Variants in TGFB2 observed in about 807,000 individuals in gnomAD.
TGFB2 encodes transforming growth factor beta 2.
TGFB2 carries 13 observed loss-of-function variants against 42.7 expected under a neutral mutation model. The observed-to-expected ratio is 0.30, with a 90% CI of 0.20 to 0.48. The LOEUF is 0.48. Among genes scored for constraint, TGFB2 ranks in the 20% least tolerant of loss-of-function variants. The pLI, the probability that TGFB2 is intolerant of heterozygous loss-of-function variation, is 0.99. For synonymous variants in TGFB2, 193 were observed against 193.6 expected (o/e 1.00, Z 0.03); for missense variants, 390 against 517.5 (o/e 0.75, Z 2.39).
chr1:218,374,236 A>T (rs1163349682), intron 1 of TGFB2, among the ~76,000 whole-genome samples: 2 of 152,218 alleles, frequency 1.3e-5, no homozygotes, highest in Non-Finnish European at 2.9e-5. Flanking sequence ...CTGTTAAAAG[A>T]TTAGAATAGT....
At chr1:218,384,498 T>C (rs1247144811) in intron 1 of TGFB2, among the ~76,000 whole-genome samples, 1 of 152,238 alleles carries the variant, frequency 6.6e-6, no homozygotes, top group East Asian at 1.9e-4. Flanking sequence ...ATTAGCTGTG[T>C]GACCTTAGAT....
At chr1:218,422,988 T>C (rs1233895678) in intron 2 of TGFB2, among the ~76,000 whole-genome samples, 1 of 152,156 alleles carries the variant, frequency 6.6e-6, no homozygotes, top group African/African-American at 2.4e-5. Context: ...TATTATTAGT[T>C]ATTATTATTA....
chr1:218,395,090 T>C (rs962869484), intron 1 of TGFB2, among the ~76,000 whole-genome samples: 1 of 152,114 alleles, frequency 6.6e-6, no homozygotes, highest in Non-Finnish European at 1.5e-5. Context: ...AGTGCAGTCA[T>C]TTCTGGAAAG....
At chr1:218,414,246 CA>C (rs1659198737) in intron 2 of TGFB2, among the ~76,000 whole-genome samples, 1 of 151,906 alleles carries the variant, frequency 6.6e-6, no homozygotes, top group Non-Finnish European at 1.5e-5. Flanking sequence ...CACACACACA[CA>C]CACACACGCA....
chr1:218,388,230 T>G (rs139794930), intron 1 of TGFB2, among the ~76,000 whole-genome samples: 224 of 152,252 alleles, frequency 1.5e-3, no homozygotes, highest in Admixed American at 2.8e-3. Flanking sequence ...TCAACTGGAG[T>G]TTTTAAAACT....
intron 2 of TGFB2, chr1:218,405,568 C>T (rs1019526633): frequency 6.9e-5 from 40 of 581,250 alleles, no homozygotes; most frequent in African/African-American, 6.5e-4. Flanking sequence ...GAGGTCTCAC[C>T]GTGTTGCCCT....
intron 2 of TGFB2, among the ~76,000 whole-genome samples, chr1:218,411,217 C>A (rs1025276675): frequency 6.6e-6 from 1 of 152,156 alleles, no homozygotes; most frequent in Non-Finnish European, 1.5e-5. Flanking sequence ...CTATTTGCTG[C>A]ACAACAAGCT....
chr1:218,357,547 C>T (rs528685727), intron 1 of TGFB2, among the ~76,000 whole-genome samples: 5 of 152,360 alleles, frequency 3.3e-5, no homozygotes, highest in African/African-American at 1.2e-4. Context: ...GGGACCATCC[C>T]TTCATTCTCT....
In TGFB2 at chr1:218,346,977, G is replaced by C; in HGVS notation, c.276G>C (p.Glu92Asp). ...ASRRAAACER[E>D]RSDEEYYAKE... is the part of the protein sequence containing the mutation. ...GGAGGGCGGCCGCCTGCGAGCGCGA[G>C]AGGAGCGACGAAGAGTACTACGCCA... Residue 92 changes from glutamate (E) to aspartate (D), a missense_variant, in exon 1 of 7, where the codon GAG becomes GAC. Coordinates refer to ENST00000366930, the MANE Select transcript of TGFB2 (RefSeq NM_003238.6). This position sits in a 1 kb window ranked among gnomAD's most constrained non-coding sequence, Gnocchi z 4.9. The C allele has an allele frequency of 1.2e-6, 2 of 1,613,598 alleles. No homozygotes were observed. Among genetic ancestry groups the C allele is most frequent in the South Asian group, 1.1e-5 (1 of 91,042 alleles).
At chr1:218,428,194 T>C (rs1659689077) in intron 2 of TGFB2, among the ~76,000 whole-genome samples, 1 of 152,246 alleles carries the variant, frequency 6.6e-6, no homozygotes, top group South Asian at 2.1e-4. Flanking sequence ...TGATTTTTTC[T>C]TGTAAATTTG....
chr1:218,348,162 G>C (rs945346386), intron 1 of TGFB2, among the ~76,000 whole-genome samples: 1 of 152,002 alleles, frequency 6.6e-6, no homozygotes, highest in Admixed American at 6.6e-5. Context: ...AAAAAGAAAA[G>C]TGGGGGCGGG....
intron 1 of TGFB2, among the ~76,000 whole-genome samples, chr1:218,367,683 T>C (rs923288847): frequency 7.9e-5 from 12 of 152,232 alleles, no homozygotes; most frequent in African/African-American, 2.9e-4. Flanking sequence ...TCCGCATAAG[T>C]CTTCAGTTAA....
intron 6 of TGFB2, among the ~76,000 whole-genome samples, chr1:218,439,908 G>A (rs1302582558): frequency 6.6e-6 from 1 of 152,252 alleles, no homozygotes; most frequent in Non-Finnish European, 1.5e-5. Flanking sequence ...AAAGTAGTCA[G>A]TGTTGCTGTG....
At chr1:218,419,385 C>G (rs1659383488) in intron 2 of TGFB2, among the ~76,000 whole-genome samples, 1 of 152,132 alleles carries the variant, frequency 6.6e-6, no homozygotes, top group South Asian at 2.1e-4. Context: ...CTTCTTTGGC[C>G]ACCGTACCTA....
chr1:218,378,148 GATTTATTTATTTATTTATTTATTT>G (rs80153970), intron 1 of TGFB2, among the ~76,000 whole-genome samples: 3 of 148,502 alleles, frequency 2.0e-5, no homozygotes, highest in South Asian at 2.2e-4. Context: ...GCTAATTTTG[GATTTATTTATTTATTTATTTATTT>G]ATTTATTTAT....
intron 1 of TGFB2, among the ~76,000 whole-genome samples, chr1:218,378,780 T>G (rs1426559125): frequency 6.6e-6 from 1 of 150,704 alleles, no homozygotes; most frequent in African/African-American, 2.4e-5. Context: ...CCTGTTTTTT[T>G]TTTCTTATAC....
chr1:218,395,260 C>G (rs1168910930), intron 1 of TGFB2, among the ~76,000 whole-genome samples: 1 of 152,210 alleles, frequency 6.6e-6, no homozygotes, highest in Non-Finnish European at 1.5e-5. Flanking sequence ...AACTTTCACA[C>G]TGGGTGAGCC....
intron 2 of TGFB2, among the ~76,000 whole-genome samples, chr1:218,412,479 C>T (rs2796821): frequency 0.29 from 43,893 of 152,088 alleles, 6,455 homozygotes; most frequent in African/African-American, 0.36. Flanking sequence ...CATAGTATTA[C>T]GTCAGAACGA....
At chr1:218,432,358 C>T (rs1475219171) in intron 2 of TGFB2, among the ~76,000 whole-genome samples, 1 of 152,216 alleles carries the variant, frequency 6.6e-6, no homozygotes, top group Non-Finnish European at 1.5e-5. Context: ...GTTGCCTCCA[C>T]ATTCTCTTCT....
Sources: gnomAD v4.1 joint callset for allele counts (sites outside exome capture counted in the v4.1 genomes callset) on GRCh38, gnomAD v4.1.1 for gene constraint, Gnocchi (gnomAD v3.1) non-coding constraint, MANE v1.5 for transcripts, NCBI Gene and HGNC (gene_info 2026-07-23, HGNC 2026-07-21) for gene names.